The following DDX10 variants were observed in gnomAD, a reference collection of about 807,000 sequenced individuals.
DDX10 encodes DEAD-box helicase 10.
Under a neutral mutation model 104.3 loss-of-function variants are expected in DDX10, and 74 were observed. The ratio of observed to expected loss-of-function variants is 0.71; its 90% confidence interval spans 0.59 to 0.86. DDX10 has a LOEUF of 0.86. Among genes scored for constraint, DDX10 ranks in the 40% least tolerant of loss-of-function variants. DDX10 has a pLI of 0.00. For synonymous variants in DDX10, 351 were observed against 353.4 expected (o/e 0.99, Z 0.08); for missense variants, 952 against 1,040.0 (o/e 0.92, Z 1.16).
At chr11:108,854,301 A>G (rs1286241631) in intron 16 of DDX10, among the ~76,000 whole-genome samples, 1 of 152,232 alleles carries the variant, frequency 6.6e-6, no homozygotes. Context: ...TTTCTGTGAT[A>G]TGTAAGGAGA....
intron 13 of DDX10, among the ~76,000 whole-genome samples, chr11:108,732,247 T>C (rs142223212): frequency 7.2e-4 from 109 of 152,254 alleles, no homozygotes; most frequent in African/African-American, 2.6e-3. Context: ...ACAAGAAAGG[T>C]AGCTATTAAA....
At chr11:108,733,786 G>T (rs534052645) in intron 13 of DDX10, among the ~76,000 whole-genome samples, 3 of 151,784 alleles carry the variant, frequency 2.0e-5, no homozygotes, top group Non-Finnish European at 4.4e-5. Context: ...ATTGGTTCTC[G>T]TTGTTCTTCT....
chr11:108,914,671 G>A (rs1462129450), intron 16 of DDX10, among the ~76,000 whole-genome samples: 2 of 152,058 alleles, frequency 1.3e-5, no homozygotes, highest in Non-Finnish European at 2.9e-5. Flanking sequence ...AAACAGAAGA[G>A]TGTGATCTAT....
intron 13 of DDX10, among the ~76,000 whole-genome samples, chr11:108,837,930 A>G (rs1279716875): frequency 1.3e-5 from 2 of 152,040 alleles, no homozygotes; most frequent in Non-Finnish European, 2.9e-5. Context: ...GCCTGGACAC[A>G]GTTTAATTGT....
intron 13 of DDX10, among the ~76,000 whole-genome samples, chr11:108,791,745 A>G (rs1215802424): frequency 6.6e-6 from 1 of 152,204 alleles, no homozygotes; most frequent in African/African-American, 2.4e-5. Flanking sequence ...TAAACTTGCT[A>G]TGAAGATTCA....
chr11:108,859,121 C>T (rs978904141), intron 16 of DDX10, among the ~76,000 whole-genome samples: 6 of 152,130 alleles, frequency 3.9e-5, no homozygotes, highest in African/African-American at 7.2e-5. Flanking sequence ...AGATCCAGGT[C>T]GGATTGCACT....
At position 108,847,324 on chromosome 11, in the gene DDX10, G is replaced by C. The variant is rs1211101669; in HGVS notation, c.2248-4829G>C. ...ATGGAGTGAAAATCTGCTCTGTGTT[G>C]TGTCATCATTCTTAGTTCTGAAAGA... On this transcript the variant is annotated intron_variant, in intron 15 of 17. Transcript: ENST00000322536. Among the ~76,000 whole-genome samples, 3 of 152,124 alleles carry C rather than the reference G, an allele frequency of 2.0e-5. No homozygotes were observed. In the South Asian group the frequency reaches 6.2e-4, roughly 32 times the overall value.
At chr11:108,849,126 G>A (rs1862758968) in intron 15 of DDX10, among the ~76,000 whole-genome samples, 1 of 152,126 alleles carries the variant, frequency 6.6e-6, no homozygotes, top group Admixed American at 6.5e-5. Context: ...AAGTTCCTGG[G>A]AAGGATTTAG....
intron 13 of DDX10, among the ~76,000 whole-genome samples, chr11:108,775,634 TA>T (rs1424772791): frequency 6.6e-6 from 1 of 152,202 alleles, no homozygotes; most frequent in Non-Finnish European, 1.5e-5. Context: ...AATTTAGATA[TA>T]GCTATGATAT....
chr11:108,844,177 G>A (rs1420401727), intron 15 of DDX10, among the ~76,000 whole-genome samples: 1 of 151,560 alleles, frequency 6.6e-6, no homozygotes, highest in African/African-American at 2.4e-5. Context: ...TTTTTAAAGT[G>A]ACAACTTTCT....
At chr11:108,890,776 T>C (rs1385324408) in intron 16 of DDX10, among the ~76,000 whole-genome samples, 1 of 152,116 alleles carries the variant, frequency 6.6e-6, no homozygotes, top group African/African-American at 2.4e-5. Context: ...TGGGTAAATA[T>C]ATTTAGAAAT....
At chr11:108,857,227 C>T (rs554227247) in intron 16 of DDX10, among the ~76,000 whole-genome samples, 26 of 152,160 alleles carry the variant, frequency 1.7e-4, no homozygotes, top group African/African-American at 5.8e-4. Flanking sequence ...ATCCATGATA[C>T]ATGATCTAAC....
Position 108,723,426 on chromosome 11 carries a change from G to C in DDX10, c.1929G>C (p.Val643=). 2.5e-6 allele frequency: 4 copies of C among 1,613,288 alleles called. No individual in the cohort carries two copies. Among genetic ancestry groups the C allele is most frequent in the Non-Finnish European group, 3.4e-6 (4 of 1,179,664 alleles). ...TCTTGAAGGTGAAGCGGCATAATGT[G>C]TTTGGATTGGACCTTAAAGACGAGA... is the stretch of plus-strand genomic sequence containing the variant. ...ADFLKVKRHN[V]FGLDLKDEKT... The change falls in exon 13 of 18, where the codon GTG becomes GTC. Residue 643 remains valine (V), a synonymous_variant. Transcript: ENST00000322536.
intron 13 of DDX10, among the ~76,000 whole-genome samples, chr11:108,793,714 A>G (rs1044262297): frequency 2.0e-5 from 3 of 152,144 alleles, no homozygotes; most frequent in Non-Finnish European, 4.4e-5. Context: ...CTACTCTGCT[A>G]TCAAACATTA....
intron 13 of DDX10, among the ~76,000 whole-genome samples, chr11:108,789,313 A>C (rs895955222): frequency 2.6e-5 from 4 of 152,128 alleles, no homozygotes; most frequent in Non-Finnish European, 5.9e-5. Flanking sequence ...AGATGTCGTC[A>C]CCTATTTGTT....
At chr11:108,909,325 G>C (rs1392789279) in intron 16 of DDX10, among the ~76,000 whole-genome samples, 1 of 149,490 alleles carries the variant, frequency 6.7e-6, no homozygotes, top group Admixed American at 6.7e-5. Flanking sequence ...TGGAAGTTCT[G>C]TGCCCCACTC....
At chr11:108,759,436 A>G (rs2094348118) in intron 13 of DDX10, among the ~76,000 whole-genome samples, 1 of 152,024 alleles carries the variant, frequency 6.6e-6, no homozygotes, top group Admixed American at 6.6e-5. Context: ...TACGCTAACC[A>G]TCGCTCATAC....
intron 13 of DDX10, among the ~76,000 whole-genome samples, chr11:108,740,908 G>A (rs1421069065): frequency 6.6e-6 from 1 of 151,968 alleles, no homozygotes; most frequent in African/African-American, 2.4e-5. Context: ...TAATATTTTG[G>A]TTATCTGCCA....
intron 13 of DDX10, among the ~76,000 whole-genome samples, chr11:108,737,043 A>G (rs1245517442): frequency 6.6e-6 from 1 of 152,176 alleles, no homozygotes; most frequent in Non-Finnish European, 1.5e-5. Flanking sequence ...CATTCTCTGC[A>G]GCATCTTTCA....
Sources: allele counts gnomAD v4.1 joint callset (sites outside exome capture counted in the v4.1 genomes callset), GRCh38; gene constraint gnomAD v4.1.1; transcripts MANE v1.5; gene names NCBI Gene and HGNC (gene_info 2026-07-23, HGNC 2026-07-21).